The following ANO3 variants were observed in gnomAD, a reference collection of about 807,000 sequenced individuals.
ANO3 encodes anoctamin 3, also known as anoctamin-3.
In ANO3, 99 loss-of-function variants were observed where a neutral mutation model predicts 144.8. The observed-to-expected ratio is 0.68, with a 90% CI of 0.58 to 0.81. The LOEUF is 0.81. Among genes scored for constraint, ANO3 ranks in the 30% least tolerant of loss-of-function variants. ANO3 has a pLI of 0.00. For missense variants in ANO3, 905 were observed against 1,202.2 expected, an observed-to-expected ratio of 0.75 and a Z score of 3.66; for synonymous variants, 414 against 392.6, an observed-to-expected ratio of 1.05 and a Z score of -0.64.
chr11:26,397,074 C>A (rs1199685468), intron 1 of ANO3, among the ~76,000 whole-genome samples: 2 of 151,786 alleles, frequency 1.3e-5, no homozygotes, highest in Admixed American at 6.6e-5. Context: ...CCTTTAGTTT[C>A]TTATTCTCCT....
At chr11:26,578,562 A>G (rs1213380907) in intron 14 of ANO3, among the ~76,000 whole-genome samples, 1 of 152,160 alleles carries the variant, frequency 6.6e-6, no homozygotes, top group Non-Finnish European at 1.5e-5. Context: ...CACAAAGGCA[A>G]TCCCTGTTCC....
intron 1 of ANO3, chr11:26,208,301 G>GA (rs1851856987): frequency 6.6e-6 from 1 of 152,142 alleles, no homozygotes; most frequent in Non-Finnish European, 1.5e-5. Flanking sequence ...CACGAGGTCA[G>GA]GAGATCGAGA....
intron 1 of ANO3, among the ~76,000 whole-genome samples, chr11:26,413,486 AT>A (rs1024044214): frequency 2.6e-5 from 4 of 151,844 alleles, no homozygotes; most frequent in East Asian, 3.9e-4. Flanking sequence ...ATTACTCTCT[AT>A]TTTTTAGGGA....
intron 1 of ANO3, among the ~76,000 whole-genome samples, chr11:26,423,100 C>T (rs544573064): frequency 2.6e-5 from 4 of 151,788 alleles, no homozygotes; most frequent in African/African-American, 7.3e-5. Context: ...TCAGCCATAA[C>T]GTATGTATGG....
At chr11:26,399,731 T>C (rs1040104401) in intron 1 of ANO3, among the ~76,000 whole-genome samples, 4 of 151,938 alleles carry the variant, frequency 2.6e-5, no homozygotes, top group African/African-American at 9.7e-5. Flanking sequence ...CCCCTGCCCC[T>C]GCCCCCTTTC....
intron 4 of ANO3, among the ~76,000 whole-genome samples, chr11:26,499,474 T>C (rs1861102224): frequency 6.6e-6 from 1 of 150,892 alleles, no homozygotes; most frequent in Non-Finnish European, 1.5e-5. Flanking sequence ...GTTTTCTTAT[T>C]GTAAATTGAA....
chr11:26,442,998 T>C (rs1044897052), intron 2 of ANO3, among the ~76,000 whole-genome samples: 1 of 152,102 alleles, frequency 6.6e-6, no homozygotes, highest in African/African-American at 2.4e-5. Context: ...ACTCCTGACC[T>C]TGTGATCCAC....
rs377191379 is a variant in ANO3, at chr11:26,333,107, G to T, written c.46+786G>T. On this transcript the variant is annotated intron_variant, in intron 1 of 26. Transcript: ENST00000256737. ...CATTAATTAACACAATTGCCACTTT[G>T]CTGAATTAATAATGGTAATTATGAT... Among the ~76,000 whole-genome samples the T allele has an allele frequency of 2.8e-4, 43 of 152,208 alleles. 1 individual carries two copies. In the East Asian group the frequency reaches 4.2e-3, roughly 15 times the overall value.
intron 4 of ANO3, among the ~76,000 whole-genome samples, chr11:26,499,626 C>G (rs1348850066): frequency 6.6e-6 from 1 of 151,490 alleles, no homozygotes; most frequent in Non-Finnish European, 1.5e-5. Context: ...TATTCTGTTT[C>G]TATTTCTATA....
intron 16 of ANO3, 94 bp from the exon 17 acceptor site, chr11:26,599,456 A>T (rs1851730937): frequency 7.9e-7 from 1 of 1,265,820 alleles, no homozygotes; most frequent in Non-Finnish European, 1.1e-6. Flanking sequence ...AAATACCTTC[A>T]ATTCTTGGGG....
intron 1 of ANO3, among the ~76,000 whole-genome samples, chr11:26,268,582 G>A (rs1033951579): frequency 4.6e-5 from 7 of 152,080 alleles, no homozygotes; most frequent in Non-Finnish European, 1.0e-4. Context: ...AGCTTTGCAC[G>A]TGTGTATAAT....
At chr11:26,555,621 A>G (rs1415681845) in intron 13 of ANO3, among the ~76,000 whole-genome samples, 1 of 152,190 alleles carries the variant, frequency 6.6e-6, no homozygotes, top group African/African-American at 2.4e-5. Context: ...ATATTGCCTT[A>G]TGGAAGAATA....
chr11:26,461,189 C>T (rs895029711), intron 3 of ANO3, among the ~76,000 whole-genome samples: 3 of 152,108 alleles, frequency 2.0e-5, no homozygotes, highest in South Asian at 2.1e-4. Flanking sequence ...GAAATAAAAA[C>T]ACAAAACACT....
intron 1 of ANO3, among the ~76,000 whole-genome samples, chr11:26,394,670 CAGG>C (rs1423393399): frequency 5.3e-5 from 8 of 151,204 alleles, no homozygotes; most frequent in Non-Finnish European, 1.2e-4. Flanking sequence ...CTCCGCCTCC[CAGG>C]TTCAAGCAAT....
intron 1 of ANO3, among the ~76,000 whole-genome samples, chr11:26,236,996 A>G (rs906834930): frequency 6.6e-6 from 1 of 152,140 alleles, no homozygotes; most frequent in African/African-American, 2.4e-5. Flanking sequence ...CAACTATTGA[A>G]GACTATCCTT....
chr11:26,499,983 G>A (rs943130826), intron 4 of ANO3, among the ~76,000 whole-genome samples: 1 of 151,812 alleles, frequency 6.6e-6, no homozygotes, highest in Non-Finnish European at 1.5e-5. Flanking sequence ...TCCTCCCTCA[G>A]CCCTAGGAAT....
intron 18 of ANO3, among the ~76,000 whole-genome samples, chr11:26,630,289 A>T (rs1036092486): frequency 6.6e-6 from 1 of 152,214 alleles, no homozygotes; most frequent in South Asian, 2.1e-4. Flanking sequence ...TTTCTTGACA[A>T]TGTTTTAAAG....
chr11:26,567,305 C>A (rs1279733798), intron 14 of ANO3, among the ~76,000 whole-genome samples: 2 of 151,688 alleles, frequency 1.3e-5, no homozygotes, highest in Non-Finnish European at 2.9e-5. Context: ...TGAATTGAAC[C>A]TTATTTTTCA....
intron 17 of ANO3, among the ~76,000 whole-genome samples, chr11:26,615,836 A>G (rs1852244153): frequency 6.6e-6 from 1 of 152,142 alleles, no homozygotes; most frequent in South Asian, 2.1e-4. Context: ...TGATCGTCCT[A>G]AATTCTTTAT....
Sources: allele counts gnomAD v4.1 joint callset (sites outside exome capture counted in the v4.1 genomes callset), GRCh38; gene constraint gnomAD v4.1.1; transcripts MANE v1.5; gene names NCBI Gene and HGNC (gene_info 2026-07-23, HGNC 2026-07-21).